PTPRN2: variants seen among roughly 807,000 people sequenced by gnomAD.
The protein encoded by PTPRN2 is protein tyrosine phosphatase receptor type N2.
In PTPRN2, 74 loss-of-function variants were observed where a neutral mutation model predicts 118.8. The observed-to-expected ratio is 0.62, with a 90% CI of 0.52 to 0.76. The LOEUF (loss-of-function observed/expected upper bound fraction) is 0.76, where lower values mean the gene tolerates loss of function less well. PTPRN2 is among the 30% of genes least tolerant of loss of function. The probability of loss-of-function intolerance (pLI) is 0.00; values close to 1 mark genes in which losing one functional copy is unlikely to be tolerated. For missense variants in PTPRN2, 1,481 were observed against 1,394.4 expected (o/e 1.06, Z -0.99); for synonymous variants, 641 against 608.0 (o/e 1.05, Z -0.80).
At chr7:157,561,892 A>G (rs1799210188) in intron 21 of PTPRN2, among the ~76,000 whole-genome samples, 1 of 152,174 alleles carries the variant, frequency 6.6e-6, no homozygotes, top group South Asian at 2.1e-4. Context: ...CAGGTGCCAA[A>G]CCAGCATCAG....
intron 3 of PTPRN2, among the ~76,000 whole-genome samples, chr7:158,272,042 A>G (rs539104498): frequency 6.6e-6 from 1 of 152,344 alleles, no homozygotes; most frequent in South Asian, 2.1e-4. Flanking sequence ...GCACCATCAA[A>G]AGACGGTCAG....
At chr7:158,414,844 GC>G (rs1236933569) in intron 2 of PTPRN2, among the ~76,000 whole-genome samples, 1 of 152,234 alleles carries the variant, frequency 6.6e-6, no homozygotes, top group Non-Finnish European at 1.5e-5. Context: ...GAATGAGCCA[GC>G]GTGCTGTAAG....
intron 11 of PTPRN2, among the ~76,000 whole-genome samples, chr7:158,053,863 C>T (rs113336888): frequency 0.044 from 4,610 of 104,322 alleles, 247 homozygotes; most frequent in African/African-American, 0.1. Context: ...ACTCCAGAGA[C>T]GCAGAGACCC....
At position 158,500,420 on chromosome 7, in the gene PTPRN2, A is replaced by G. The variant is rs1586813406; in HGVS notation, c.113-10635T>C. 2.6e-5 allele frequency among the ~76,000 whole-genome samples: 4 copies of G among 152,356 alleles called. No individual in the cohort carries two copies. In the Middle Eastern group the frequency reaches 0.01, roughly 389 times the overall value. On this transcript the variant is annotated intron_variant, in intron 1 of 22. Coordinates refer to ENST00000389418, the MANE Select transcript of PTPRN2 (RefSeq NM_002847.5). ...ATACAGGTTAATTGACACAGAACAAAGAAGAAAAACTACTTAAAACTCTGT... is the reference window on the plus strand; with the variant it reads ...ATACAGGTTAATTGACACAGAACAAGGAAGAAAAACTACTTAAAACTCTGT...
chr7:158,258,370 C>T (rs1161226639), intron 3 of PTPRN2, among the ~76,000 whole-genome samples: 2 of 152,270 alleles, frequency 1.3e-5, no homozygotes, highest in African/African-American at 2.4e-5. Flanking sequence ...CTATCATCAG[C>T]CTCCTTCCTG....
chr7:158,184,813 C>T (rs1226352970), intron 5 of PTPRN2, among the ~76,000 whole-genome samples: 1 of 149,930 alleles, frequency 6.7e-6, no homozygotes, highest in South Asian at 2.1e-4. Flanking sequence ...ACTTCCGTCT[C>T]AAAAGAAAAA....
In PTPRN2 at chr7:157,583,106, TGTG is replaced by T. The variant is rs1800483761; in HGVS notation, c.2497-4969_2497-4967del. 6.6e-6 allele frequency among the ~76,000 whole-genome samples: 1 copy of T among 152,018 alleles called. No individual in the cohort carries two copies. Among genetic ancestry groups the T allele is most frequent in the Non-Finnish European group, 1.5e-5 (1 of 67,982 alleles). On this transcript the variant is annotated intron_variant, in intron 17 of 22. Coordinates refer to ENST00000389418, the MANE Select transcript of PTPRN2 (RefSeq NM_002847.5). This position sits in a 1 kb window ranked among gnomAD's most constrained non-coding sequence, Gnocchi z 5.5. ...GTCAATGGATAATGGCTAAAGAAAATGTGGTATATACACAATGAAATATTATTC... is the reference window on the plus strand; with the variant it reads ...GTCAATGGATAATGGCTAAAGAAAATGTATATACACAATGAAATATTATTC...
chr7:157,793,667 G>A, intron 12 of PTPRN2, among the ~76,000 whole-genome samples: 1 of 152,182 alleles, frequency 6.6e-6, no homozygotes, highest in East Asian at 1.9e-4. Context: ...GGCTTCTCTG[G>A]GTTTTAAGTG....
At chr7:158,171,322 T>TACATAC (rs1823666920) in intron 5 of PTPRN2, among the ~76,000 whole-genome samples, 1 of 112,406 alleles carries the variant, frequency 8.9e-6, no homozygotes, top group African/African-American at 3.6e-5. Context: ...TATATATATA[T>TACATAC]ATATATATAT....
chr7:157,583,261 C>T lies in PTPRN2; in HGVS notation c.2497-5121G>A, dbSNP rs1159589770. On this transcript the variant is annotated intron_variant, in intron 17 of 22. Transcript: ENST00000389418. This position sits in a 1 kb window ranked among gnomAD's most constrained non-coding sequence, Gnocchi z 5.5. ...CCCATGATCTCACTCACATGTGGCA[C>T]CTAAAAAGGACGAACTCAGGGACAG... Among the ~76,000 whole-genome samples, 2 of 152,086 alleles carry T rather than the reference C, an allele frequency of 1.3e-5. No individual in the cohort carries two copies. Among genetic ancestry groups the T allele is most frequent in the African/African-American group, 2.4e-5 (1 of 41,426 alleles).
intron 11 of PTPRN2, among the ~76,000 whole-genome samples, chr7:157,949,159 T>C (rs1800663933): frequency 6.6e-6 from 1 of 152,170 alleles, no homozygotes; most frequent in Non-Finnish European, 1.5e-5. Flanking sequence ...AGGTATACTT[T>C]GTATGTAAGA....
intron 1 of PTPRN2, among the ~76,000 whole-genome samples, chr7:158,496,324 TGG>T (rs1821851497): frequency 3.8e-5 from 3 of 78,196 alleles, no homozygotes; most frequent in East Asian, 1.1e-3. Flanking sequence ...CCCTTTCCTG[TGG>T]CCCCTCCCCT....
intron 12 of PTPRN2, among the ~76,000 whole-genome samples, chr7:157,852,838 C>T (rs903121247): frequency 6.8e-6 from 1 of 146,272 alleles, no homozygotes; most frequent in African/African-American, 2.6e-5. Flanking sequence ...CACTGCACTC[C>T]AGCTCGGCAA....
chr7:158,356,095 C>A (rs1808365488), intron 2 of PTPRN2, among the ~76,000 whole-genome samples: 1 of 152,166 alleles, frequency 6.6e-6, no homozygotes, highest in South Asian at 2.1e-4. Context: ...GTCTTCTTGG[C>A]TGTCTTTATG....
chr7:157,664,365 C>T (rs1370715657), intron 13 of PTPRN2, among the ~76,000 whole-genome samples: 1 of 152,252 alleles, frequency 6.6e-6, no homozygotes, highest in Non-Finnish European at 1.5e-5. Flanking sequence ...CATTATCAGA[C>T]TTCTGTGGGG....
intron 12 of PTPRN2, among the ~76,000 whole-genome samples, chr7:157,776,021 A>C (rs1803192029): frequency 6.6e-6 from 1 of 151,560 alleles, no homozygotes; most frequent in Admixed American, 6.6e-5. Flanking sequence ...GAGGTGGGCA[A>C]GGAGTGAGGC....
intron 3 of PTPRN2, among the ~76,000 whole-genome samples, chr7:158,286,062 T>C (rs1468294975): frequency 6.6e-6 from 1 of 152,218 alleles, no homozygotes; most frequent in South Asian, 2.1e-4. Context: ...AGCTCTCACA[T>C]GTTCTCCAGG....
chr7:157,985,182 C>T (rs180997187), intron 11 of PTPRN2, among the ~76,000 whole-genome samples: 1 of 152,350 alleles, frequency 6.6e-6, no homozygotes, highest in Admixed American at 6.5e-5. Context: ...TTAAGCCATC[C>T]AGTGCATTCC....
intron 13 of PTPRN2, among the ~76,000 whole-genome samples, chr7:157,659,322 G>A (rs569281328): frequency 7.9e-4 from 91 of 115,790 alleles, no homozygotes; most frequent in Non-Finnish European, 1.5e-3. Context: ...GGATGACCCC[G>A]GGGACTGGGG....
Sources: allele counts gnomAD v4.1 joint callset (sites outside exome capture counted in the v4.1 genomes callset), GRCh38; gene constraint gnomAD v4.1.1; non-coding constraint Gnocchi (gnomAD v3.1); transcripts MANE v1.5; gene names NCBI Gene and HGNC (gene_info 2026-07-23, HGNC 2026-07-21).